Variants in RNF180 observed in about 807,000 individuals in gnomAD.
RNF180 encodes ring finger protein 180.
Under a neutral mutation model 59.2 loss-of-function variants are expected in RNF180, and 38 were observed. That is an observed-to-expected ratio of 0.64 (90% CI 0.50 to 0.84). RNF180 has a LOEUF of 0.84. Ranked by LOEUF, RNF180 falls within the 40% of genes least tolerant of loss-of-function variation. RNF180 has a pLI of 0.00. For synonymous variants in RNF180, 262 were observed against 240.3 expected (o/e 1.09, Z -0.84); for missense variants, 705 against 700.9 (o/e 1.01, Z -0.07).
chr5:64,371,473 G>A lies in RNF180; in HGVS notation c.*1659G>A, dbSNP rs563295571. ...GATTCATTCCTAAATCACAATAAAG[G>A]TTTTAATTATGTATAAACTAAATAA... On this transcript the variant is annotated 3_prime_UTR_variant, in exon 8 of 8. Transcript: ENST00000389100. The A allele has an allele frequency of 4.0e-5, 6 of 151,496 alleles. No individual in the cohort carries two copies. In the South Asian group the frequency reaches 1.2e-3, roughly 31 times the overall value. The allele number at this position is 151,496 out of a possible 1,614,324, so 9.4% of individuals were successfully genotyped here.
chr5:64,209,314 T>G (rs1189558420), intron 2 of RNF180, among the ~76,000 whole-genome samples: 1 of 151,972 alleles, frequency 6.6e-6, no homozygotes, highest in Non-Finnish European at 1.5e-5. Context: ...TTTCCAAAAT[T>G]TATAGTGGGT....
chr5:64,346,360 T>TTC (rs1745557786), intron 7 of RNF180, among the ~76,000 whole-genome samples: 1 of 82,778 alleles, frequency 1.2e-5, no homozygotes, highest in African/African-American at 5.9e-5. Flanking sequence ...TCTTTTCTTC[T>TTC]TTTTTTTTTT....
chr5:64,276,431 A>C (rs1741726126), intron 5 of RNF180, among the ~76,000 whole-genome samples: 1 of 151,870 alleles, frequency 6.6e-6, no homozygotes, highest in East Asian at 1.9e-4. Flanking sequence ...GGAGAAAGGA[A>C]TAAAGCAGGA....
At chr5:64,195,448 C>T (rs2112027047) in intron 1 of RNF180, among the ~76,000 whole-genome samples, 1 of 152,156 alleles carries the variant, frequency 6.6e-6, no homozygotes, top group Middle Eastern at 3.4e-3. Context: ...GTGTGTTCTC[C>T]CCAGTTCCTC....
chr5:64,253,866 T>A (rs915907761), intron 5 of RNF180, among the ~76,000 whole-genome samples: 1 of 152,094 alleles, frequency 6.6e-6, no homozygotes, highest in Non-Finnish European at 1.5e-5. Context: ...GTCTAAGAGA[T>A]CAAGCAGCTT....
At chr5:64,259,225 G>A (rs1293851477) in intron 5 of RNF180, among the ~76,000 whole-genome samples, 1 of 152,136 alleles carries the variant, frequency 6.6e-6, no homozygotes, top group Non-Finnish European at 1.5e-5. Context: ...TTTCATGCAA[G>A]GCAAGGAAAT....
At chr5:64,352,649 A>T (rs1745864452) in intron 7 of RNF180, among the ~76,000 whole-genome samples, 1 of 151,720 alleles carries the variant, frequency 6.6e-6, no homozygotes, top group East Asian at 1.9e-4. Context: ...CTGCCTTCAA[A>T]GAAAGGATTT....
intron 5 of RNF180, among the ~76,000 whole-genome samples, chr5:64,262,113 A>T (rs1744373782): frequency 1.3e-5 from 2 of 152,114 alleles, no homozygotes; most frequent in Admixed American, 1.3e-4. Context: ...TTTACACCTG[A>T]GGGAGGATTC....
Position 64,175,263 on chromosome 5 carries a change from C to T in RNF180, c.-1+9310C>T, listed in dbSNP as rs186408993. The stretch of plus-strand genomic sequence containing the variant: ...ATTACAGGCATGAGCCACTGTGCCT[C>T]GCCAATCCGTTTCTATTTTGAGGTG... On this transcript the variant is annotated intron_variant, in intron 1 of 7. Transcript: ENST00000389100. 3.2e-4 allele frequency among the ~76,000 whole-genome samples: 48 copies of T among 152,196 alleles called. No homozygotes were observed. In the East Asian group the frequency reaches 8.5e-3, roughly 27 times the overall value.
chr5:64,275,614 C>T (rs1385430280), intron 5 of RNF180, among the ~76,000 whole-genome samples: 1 of 151,644 alleles, frequency 6.6e-6, no homozygotes, highest in Non-Finnish European at 1.5e-5. Flanking sequence ...ATATTAAGCC[C>T]AGTTTCTATG....
intron 5 of RNF180, among the ~76,000 whole-genome samples, chr5:64,224,059 T>G (rs1741513536): frequency 7.8e-6 from 1 of 127,500 alleles, no homozygotes; most frequent in Admixed American, 7.9e-5. Flanking sequence ...TGATCTAGGT[T>G]GGGGTGTGTG....
At chr5:64,289,296 T>C (rs952271792) in intron 5 of RNF180, among the ~76,000 whole-genome samples, 6 of 152,148 alleles carry the variant, frequency 3.9e-5, no homozygotes, top group African/African-American at 1.4e-4. Flanking sequence ...TGTTTGCCAG[T>C]ATTTTGTTAG....
chr5:64,366,418 T>C (rs1746449086), intron 7 of RNF180, among the ~76,000 whole-genome samples: 1 of 151,574 alleles, frequency 6.6e-6, no homozygotes, highest in Admixed American at 6.6e-5. Flanking sequence ...CCCTGGAGAA[T>C]GTTATGATTA....
intron 5 of RNF180, chr5:64,217,741 G>A (rs887038646): frequency 1.1e-4 from 19 of 169,904 alleles, no homozygotes; most frequent in Non-Finnish European, 2.1e-4. Context: ...CTTGAGTTCA[G>A]GAGTTCAAGA....
chr5:64,192,956 A>T (rs1412011566), intron 1 of RNF180, among the ~76,000 whole-genome samples: 1 of 132,958 alleles, frequency 7.5e-6, no homozygotes, highest in East Asian at 2.3e-4. Context: ...AACATTCAGC[A>T]TCGAAAAAGA....
chr5:64,323,454 T>A (rs544899565), intron 5 of RNF180, among the ~76,000 whole-genome samples: 3 of 151,916 alleles, frequency 2.0e-5, no homozygotes, highest in Admixed American at 6.5e-5. Context: ...GGCAGGACAA[T>A]CACTTGAACC....
intron 5 of RNF180, among the ~76,000 whole-genome samples, chr5:64,305,066 T>G (rs1743357075): frequency 6.6e-6 from 1 of 151,718 alleles, no homozygotes; most frequent in Non-Finnish European, 1.5e-5. Context: ...GCATGTACAT[T>G]AGTTTTGTAA....
At chr5:64,225,953 C>T (rs1438807191) in intron 5 of RNF180, among the ~76,000 whole-genome samples, 4 of 135,768 alleles carry the variant, frequency 2.9e-5, no homozygotes, top group South Asian at 2.4e-4. Flanking sequence ...CCGGCTGCCC[C>T]GTCTGGGAAG....
intron 7 of RNF180, among the ~76,000 whole-genome samples, chr5:64,358,406 T>A (rs984430689): frequency 2.0e-5 from 3 of 151,888 alleles, no homozygotes; most frequent in African/African-American, 7.2e-5. Context: ...AGAATATTTC[T>A]GAAGAGCTTT....
Sources: gnomAD v4.1 joint callset for allele counts (sites outside exome capture counted in the v4.1 genomes callset) on GRCh38, gnomAD v4.1.1 for gene constraint, MANE v1.5 for transcripts, NCBI Gene and HGNC (gene_info 2026-07-23, HGNC 2026-07-21) for gene names.